The following ARL5A variants were observed in gnomAD, a reference collection of about 807,000 sequenced individuals.
The protein encoded by ARL5A is ARF like GTPase 5A.
Under a neutral mutation model 25.9 loss-of-function variants are expected in ARL5A, and 18 were observed. That is an observed-to-expected ratio of 0.69 (90% CI 0.48 to 1.03). The LOEUF (loss-of-function observed/expected upper bound fraction) is 1.03, where lower values mean the gene tolerates loss of function less well. Ranked by LOEUF, ARL5A falls within the 50% of genes least tolerant of loss-of-function variation. The pLI is 0.00. For missense variants in ARL5A, 170 were observed against 211.9 expected (o/e 0.80, Z 1.23); for synonymous variants, 61 against 67.5 (o/e 0.90, Z 0.47).
rs1316889209 is a variant in ARL5A, at chr2:151,815,185, T to G, written c.61A>C (p.Ile21Leu). 6.2e-7 allele frequency: 1 copy of G among 1,607,050 alleles called. No homozygotes were observed. The highest frequency in any genetic ancestry group is 8.5e-7 in the Non-Finnish European group (1 of 1,177,022). The change falls in exon 2 of 6, where the codon ATT becomes CTT. Residue 21 changes from isoleucine to leucine, a missense_variant. Coordinates refer to ENST00000295087, the MANE Select transcript of ARL5A (RefSeq NM_012097.4). ...LFNHQEHKVIIVGLDNAGKTT... is the reference protein window; with the variant it reads ...LFNHQEHKVILVGLDNAGKTT... ...TTCCCTGCATTATCCAGCCCAACAA[T>G]GATAACTTTGTGCTCTGAAATAGAG...
At chr2:151,808,120 G>T (rs3820705) in intron 4 of ARL5A, among the ~76,000 whole-genome samples, 1 of 152,104 alleles carries the variant, frequency 6.6e-6, no homozygotes, top group East Asian at 1.9e-4. Flanking sequence ...TTAATAAATA[G>T]CCTAAATTCC....
intron 3 of ARL5A, among the ~76,000 whole-genome samples, chr2:151,813,776 A>C (rs2099831148): frequency 6.6e-6 from 1 of 152,234 alleles, no homozygotes; most frequent in Non-Finnish European, 1.5e-5. Context: ...TTTAATGTGC[A>C]ATTGTGTTTT....
chr2:151,803,331 A>G lies in ARL5A; in HGVS notation c.492-7T>C. 1.2e-6 allele frequency: 2 copies of G among 1,609,986 alleles called. No individual in the cohort carries two copies. The highest frequency in any genetic ancestry group is 1.7e-6 in the Non-Finnish European group (2 of 1,176,434). ...TTCAAGTCCTTGGCACAATCTATAAAGAAAACAAAATCATTTGATTAAATT... is the reference window on the plus strand; with the variant it reads ...TTCAAGTCCTTGGCACAATCTATAAGGAAAACAAAATCATTTGATTAAATT... On this transcript the variant is annotated splice_region_variant and splice_polypyrimidine_tract_variant and intron_variant, in intron 5 of 5. Coordinates refer to ENST00000295087, the MANE Select transcript of ARL5A (RefSeq NM_012097.4).
chr2:151,823,201 C>T lies in ARL5A; in HGVS notation c.46+4930G>A, dbSNP rs117264248. Among the ~76,000 whole-genome samples the T allele has an allele frequency of 4.8e-4, 73 of 152,092 alleles. No individual in the cohort carries two copies. In the East Asian group the frequency reaches 0.013, roughly 27 times the overall value. On this transcript the variant is annotated intron_variant, in intron 1 of 5. Transcript: ENST00000295087. ...GTTCTCTTAGTCCATAGGACAGCTC[C>T]TGGAATAAAGCATGAGCTTAATATT...
intron 5 of ARL5A, among the ~76,000 whole-genome samples, chr2:151,805,574 T>C (rs908645518): frequency 5.3e-5 from 8 of 152,162 alleles, no homozygotes; most frequent in Non-Finnish European, 1.2e-4. Context: ...AACATCAGAG[T>C]GTACTTACAC....
chr2:151,814,733 T>C (rs2099831286), intron 2 of ARL5A, among the ~76,000 whole-genome samples: 1 of 151,844 alleles, frequency 6.6e-6, no homozygotes, highest in Admixed American at 6.6e-5. Context: ...TTTTAAAATA[T>C]ATATATATTC....
At chr2:151,812,113 T>C (rs1213072163) in intron 4 of ARL5A, among the ~76,000 whole-genome samples, 4 of 152,150 alleles carry the variant, frequency 2.6e-5, no homozygotes, top group Non-Finnish European at 4.4e-5. Flanking sequence ...CCCAGGAAAA[T>C]TGTGAAACCA....
rs991834532 is a variant in ARL5A, at chr2:151,807,027, C to T, written c.340-55G>A. The T allele has an allele frequency of 1.4e-5, 21 of 1,467,540 alleles. No individual in the cohort carries two copies. In the Admixed American group the frequency reaches 1.9e-4, roughly 13 times the overall value. 90.9% of individuals were successfully genotyped at this position (1,467,540 alleles called of 1,614,324 possible). ...AATACATTTTCCACATATTTTTCAACTTCATTAACAGAATCTTTTTCACAA... is the reference window on the plus strand; with the variant it reads ...AATACATTTTCCACATATTTTTCAATTTCATTAACAGAATCTTTTTCACAA... On this transcript the variant is annotated intron_variant, in intron 4 of 5. Coordinates refer to ENST00000295087, the MANE Select transcript of ARL5A (RefSeq NM_012097.4).
At chr2:151,808,324 T>C (rs1238559800) in intron 4 of ARL5A, among the ~76,000 whole-genome samples, 2 of 152,242 alleles carry the variant, frequency 1.3e-5, no homozygotes, top group African/African-American at 4.8e-5. Context: ...TTCAATAATG[T>C]ATGTGTTTGA....
chr2:151,823,683 T>C (rs938413568), intron 1 of ARL5A, among the ~76,000 whole-genome samples: 1 of 152,186 alleles, frequency 6.6e-6, no homozygotes, highest in Non-Finnish European at 1.5e-5. Context: ...GCACAGATAG[T>C]GGCTCACTGA....
chr2:151,804,811 A>G (rs1041695825), intron 5 of ARL5A, among the ~76,000 whole-genome samples: 4 of 152,214 alleles, frequency 2.6e-5, no homozygotes, highest in Non-Finnish European at 1.5e-5. Context: ...GAAGCCACAC[A>G]CTGAAGTTTG....
intron 4 of ARL5A, among the ~76,000 whole-genome samples, chr2:151,811,646 A>G (rs1036136338): frequency 6.6e-6 from 1 of 152,164 alleles, no homozygotes; most frequent in Non-Finnish European, 1.5e-5. Flanking sequence ...AGAACAGCTC[A>G]CTGTAGCCTT....
chr2:151,827,743 A>G (rs530863829), intron 1 of ARL5A: 2 of 214,974 alleles, frequency 9.3e-6, no homozygotes, highest in East Asian at 1.6e-4. Flanking sequence ...CCTTCATTCC[A>G]GAAGACCCCA....
In ARL5A at chr2:151,805,220, GTTTT is replaced by G. The variant is rs36040248; in HGVS notation, c.491+1597_491+1600del. ...TTATCTGTGATTTTTTTAATGAACA[GTTTT>G]TTTTTAATTAAAAAACCTTTTTTAA... On this transcript the variant is annotated intron_variant, in intron 5 of 5. Transcript: ENST00000295087. Among the ~76,000 whole-genome samples, 5 of 150,856 alleles carry G rather than the reference GTTTT, an allele frequency of 3.3e-5. No individual in the cohort carries two copies. The East Asian group carries it at 9.7e-4, about 29-fold the overall frequency.
chr2:151,803,369 G>A, intron 5 of ARL5A, 45 bp from the exon 6 acceptor site: 1 of 1,392,382 alleles, frequency 7.2e-7, no homozygotes, highest in Non-Finnish European at 1.0e-6. Flanking sequence ...GAACTAAGAA[G>A]CTATGAGCAG....
chr2:151,798,905 A>G lies in ARL5A; in HGVS notation c.*4371T>C, dbSNP rs995914554. 1 of 152,118 alleles carries G rather than the reference A, an allele frequency of 6.6e-6. No individual in the cohort carries two copies. The highest frequency in any genetic ancestry group is 2.4e-5 in the African/African-American group (1 of 41,408). The allele number at this position is 152,118 out of a possible 1,614,324, so 9.4% of individuals were successfully genotyped here. A position where few individuals can be genotyped will look rare whatever the true frequency, so the allele number is the denominator to read the frequency against. On this transcript the variant is annotated 3_prime_UTR_variant, in exon 6 of 6. Transcript: ENST00000295087. ...TGGGAATTTTCTACCAAAGAACAGG[A>G]TATCTAGCAAGCAACAGCATAAAGA...
chr2:151,802,837 A>G lies in ARL5A; in HGVS notation c.*439T>C, dbSNP rs1476308394. On this transcript the variant is annotated 3_prime_UTR_variant, in exon 6 of 6. Transcript: ENST00000295087. ...ATACACACACAACCTTAAGCAAAATACTTTTCATAAGTAACATTACATTTT... is the reference window on the plus strand; with the variant it reads ...ATACACACACAACCTTAAGCAAAATGCTTTTCATAAGTAACATTACATTTT... 6.4e-6 allele frequency: 1 copy of G among 155,938 alleles called. No homozygotes were observed. The highest frequency in any genetic ancestry group is 1.4e-5 in the Non-Finnish European group (1 of 70,322). 9.7% of individuals were successfully genotyped at this position (155,938 alleles called of 1,614,324 possible). A position where few individuals can be genotyped will look rare whatever the true frequency, so the allele number is the denominator to read the frequency against.
chr2:151,811,236 C>A (rs996048936), intron 4 of ARL5A, among the ~76,000 whole-genome samples: 1 of 140,320 alleles, frequency 7.1e-6, no homozygotes, highest in Non-Finnish European at 1.7e-5. Flanking sequence ...TAAAGCAAAT[C>A]TCAAAAGCAA....
intron 1 of ARL5A, among the ~76,000 whole-genome samples, chr2:151,820,692 C>T (rs1358663095): frequency 1.8e-5 from 2 of 110,228 alleles, no homozygotes; most frequent in African/African-American, 6.2e-5. Flanking sequence ...AAAACAGAAT[C>T]CATATGTCTG....
Sources: allele counts gnomAD v4.1 joint callset (sites outside exome capture counted in the v4.1 genomes callset), GRCh38; gene constraint gnomAD v4.1.1; transcripts MANE v1.5; gene names NCBI Gene and HGNC (gene_info 2026-07-23, HGNC 2026-07-21).